HHIPL1: variants seen among roughly 807,000 people sequenced by gnomAD.
The protein encoded by HHIPL1 is HHIP-like protein 1.
A neutral mutation model predicts 61.8 loss-of-function variants in HHIPL1; 43 were observed. That is an observed-to-expected ratio of 0.70 (90% CI 0.55 to 0.90). HHIPL1 has a LOEUF of 0.90. Among genes scored for constraint, HHIPL1 ranks in the 40% least tolerant of loss-of-function variants. The probability of loss-of-function intolerance (pLI) is 0.00; values close to 1 mark genes in which losing one functional copy is unlikely to be tolerated. For missense variants in HHIPL1, 1,056 were observed against 1,157.7 expected (o/e 0.91, Z 1.28); for synonymous variants, 482 against 515.8 (o/e 0.93, Z 0.89).
the HHIPL1 span, among the ~76,000 whole-genome samples, chr14:99,634,450 G>A: frequency 6.2e-4 from 94 of 152,280 alleles, no homozygotes; most frequent in African/African-American, 2.1e-3. Context: ...CTTTGGCTGC[G>A]GGACTTCTCA....
intron 5 of HHIPL1, 62 bp from the exon 6 acceptor site, chr14:99,662,814 G>C (rs1485441862): frequency 1.4e-6 from 2 of 1,449,638 alleles, no homozygotes; most frequent in African/African-American, 2.8e-5. Flanking sequence ...TGGATGGATT[G>C]GTGGGTAGGT....
Position 99,645,361 on chromosome 14 carries a change from C to A in HHIPL1, c.154C>A (p.Arg52Ser). ...YSDFGCCDEG[R>S]DAELTRRFWA... ...GGACTTCGGCTGCTGCGATGAGGGG[C>A]GCGACGCCGAGCTGACCCGCCGCTT... Residue 52 changes from arginine to serine, a missense_variant, in exon 1 of 9, where the codon CGC becomes AGC. Physicochemically the swap from Arg to Ser is moderately radical, Grantham distance 110. Transcript: ENST00000330710. 1.4e-6 allele frequency: 2 copies of A among 1,446,150 alleles called. No homozygotes were observed. The highest frequency in any genetic ancestry group is 1.8e-6 in the Non-Finnish European group (2 of 1,103,434). 89.6% of individuals were successfully genotyped at this position (1,446,150 alleles called of 1,614,324 possible).
the HHIPL1 span, among the ~76,000 whole-genome samples, chr14:99,611,994 G>T: frequency 0.085 from 13,002 of 152,214 alleles, 716 homozygotes; most frequent in Non-Finnish European, 0.11. Context: ...GGTGGGCAAA[G>T]ATGCTTGTAC....
the HHIPL1 span, among the ~76,000 whole-genome samples, chr14:99,630,383 A>G: frequency 6.6e-6 from 1 of 152,306 alleles, no homozygotes; most frequent in Non-Finnish European, 1.5e-5. Context: ...CTTTACAGAA[A>G]GGCCTTGGCC....
At chr14:99,673,084 C>G (rs1012191972) in intron 8 of HHIPL1, among the ~76,000 whole-genome samples, 7 of 152,178 alleles carry the variant, frequency 4.6e-5, no homozygotes, top group Admixed American at 3.9e-4. Flanking sequence ...ATTTTAAAAA[C>G]CACTCCGCGA....
At chr14:99,651,304 T>C (rs151063004) in intron 1 of HHIPL1, among the ~76,000 whole-genome samples, 34 of 150,092 alleles carry the variant, frequency 2.3e-4, no homozygotes, top group African/African-American at 7.8e-4. Context: ...AACTGGGTAA[T>C]TTATAAAGAA....
At chr14:99,661,445 G>GGAAGGAAGGAAGGAAC (rs1169928330) in intron 5 of HHIPL1, among the ~76,000 whole-genome samples, 1 of 151,664 alleles carries the variant, frequency 6.6e-6, no homozygotes, top group East Asian at 1.9e-4. Flanking sequence ...AAGGAAGGAA[G>GGAAGGAAGGAAGGAAC]GAAGGAGTAC....
rs200943006 is a variant in HHIPL1 at position 99,662,935 on chromosome 14, G to T, written c.1562G>T (p.Cys521Phe). The T allele has an allele frequency of 6.8e-6, 11 of 1,613,832 alleles. No individual in the cohort carries two copies. Among genetic ancestry groups the T allele is most frequent in the Non-Finnish European group, 7.6e-6 (9 of 1,179,876 alleles). The change falls in exon 6 of 9, where the codon TGC becomes TTC. Residue 521 changes from cysteine to phenylalanine, a missense_variant. By Grantham distance (205) the Cys-to-Phe change is radical. Transcript: ENST00000330710. ...GTGQWQYSEI[C>F]MGHGQTCEFP... is the part of the protein sequence containing the mutation. ...GGCCAGTGGCAGTACAGTGAGATCT[G>T]CATGGGCCACGGCCAGACCTGTGAG...
At chr14:99,635,909 C>T in the HHIPL1 span, among the ~76,000 whole-genome samples, 5 of 152,226 alleles carry the variant, frequency 3.3e-5, no homozygotes, top group South Asian at 6.2e-4. Flanking sequence ...AAGGCTGAAA[C>T]GTGGAGCAGG....
chr14:99,678,877 C>T lies in HHIPL1; in HGVS notation c.*3251C>T, dbSNP rs1035110592. Reference sequence around the variant, plus strand: ...TCGTCTTTAAAAGAAACCATTATTTCTAACACTTACGATTTATTCTTTAAC... The same window carrying T: ...TCGTCTTTAAAAGAAACCATTATTTTTAACACTTACGATTTATTCTTTAAC... On this transcript the variant is annotated 3_prime_UTR_variant, in exon 9 of 9. Coordinates refer to ENST00000330710, the MANE Select transcript of HHIPL1 (RefSeq NM_001127258.3). The T allele has an allele frequency of 6.6e-6, 1 of 152,222 alleles. No individual in the cohort carries two copies. Among genetic ancestry groups the T allele is most frequent in the African/African-American group, 2.4e-5 (1 of 41,458 alleles). 9.4% of individuals were successfully genotyped at this position (152,222 alleles called of 1,614,324 possible).
At chr14:99,635,137 G>A in the HHIPL1 span, among the ~76,000 whole-genome samples, 2 of 152,052 alleles carry the variant, frequency 1.3e-5, no homozygotes, top group African/African-American at 4.8e-5. Context: ...GTAGAGTTGG[G>A]GTCTGCAGGG....
chr14:99,631,271 A>T, the HHIPL1 span, among the ~76,000 whole-genome samples: 10 of 151,312 alleles, frequency 6.6e-5, no homozygotes, highest in Non-Finnish European at 1.0e-4. Context: ...TAAGTTTTGT[A>T]TTTTTGCCAG....
In HHIPL1 at chr14:99,675,035, C is replaced by T; in HGVS notation, c.1814-56C>T. On this transcript the variant is annotated intron_variant, in intron 8 of 8. Transcript: ENST00000330710. This position sits in a 1 kb window ranked among gnomAD's most constrained non-coding sequence, Gnocchi z 5.4. Reference sequence around the variant, plus strand: ...TTGCAGGGCAGCACAGGGTGGGCAGCAGGGCTGGACAGGGGCGCCTGGGTC... The same window carrying T: ...TTGCAGGGCAGCACAGGGTGGGCAGTAGGGCTGGACAGGGGCGCCTGGGTC... The T allele has an allele frequency of 2.0e-6, 2 of 981,388 alleles. No individual in the cohort carries two copies. The highest frequency in any genetic ancestry group is 2.5e-6 in the Non-Finnish European group (2 of 792,146). The allele number at this position is 981,388 out of a possible 1,614,324, so 60.8% of individuals were successfully genotyped here.
At position 99,680,389 on chromosome 14, in the gene HHIPL1, G is replaced by C. The variant is rs1348672328; in HGVS notation, c.*4763G>C. 6.6e-6 allele frequency: 1 copy of C among 152,180 alleles called. No homozygotes were observed. Among genetic ancestry groups the C allele is most frequent in the East Asian group, 1.9e-4 (1 of 5,202 alleles). 9.4% of individuals were successfully genotyped at this position (152,180 alleles called of 1,614,324 possible). On this transcript the variant is annotated 3_prime_UTR_variant, in exon 9 of 9. Coordinates refer to ENST00000330710, the MANE Select transcript of HHIPL1 (RefSeq NM_001127258.3). ...CTGGGTCCTGTCTCTCAGAGTTTTT[G>C]ACTCAGTCTTGGTTGAGAATTTTCA...
At chr14:99,656,820 AAAG>A (rs2056040880) in intron 2 of HHIPL1, among the ~76,000 whole-genome samples, 177 bp from the exon 3 acceptor site, 2 of 6,312 alleles carry the variant, frequency 3.2e-4, no homozygotes, top group Non-Finnish European at 5.6e-4. Context: ...AGAAAGAAAG[AAAG>A]AAAGAAAGAA....
the HHIPL1 span, among the ~76,000 whole-genome samples, chr14:99,605,610 C>T: frequency 6.6e-6 from 1 of 152,226 alleles, no homozygotes; most frequent in Non-Finnish European, 1.5e-5. Context: ...GGGGACTTGG[C>T]GTCCTGGGAG....
intron 5 of HHIPL1, among the ~76,000 whole-genome samples, chr14:99,661,570 C>G (rs1002452610): frequency 3.9e-5 from 6 of 152,068 alleles, no homozygotes; most frequent in Non-Finnish European, 7.4e-5. Context: ...CAGGCTCAAG[C>G]AATCCTCCCA....
chr14:99,646,792 A>AATATGATATGATATG (rs66953128), intron 1 of HHIPL1, among the ~76,000 whole-genome samples: 8 of 130,928 alleles, frequency 6.1e-5, no homozygotes, highest in East Asian at 2.3e-4. Flanking sequence ...AATATAATAT[A>AATATGATATGATATG]ATATGATATG....
Position 99,680,560 on chromosome 14 carries a change from G to A in HHIPL1, c.*4934G>A, listed in dbSNP as rs1041207284. On this transcript the variant is annotated 3_prime_UTR_variant, in exon 9 of 9. Coordinates refer to ENST00000330710, the MANE Select transcript of HHIPL1 (RefSeq NM_001127258.3). ...TAGCCATGTTAAAAAAGTAAAACAG[G>A]TAAAATTAATTTTAATAATATATTT... is the stretch of plus-strand genomic sequence containing the variant. 2.9e-5 allele frequency: 4 copies of A among 136,282 alleles called. No individual in the cohort carries two copies. Among genetic ancestry groups the A allele is most frequent in the Non-Finnish European group, 6.6e-5 (4 of 60,724 alleles). The allele number at this position is 136,282 out of a possible 1,614,324, so 8.4% of individuals were successfully genotyped here.
Sources: gnomAD v4.1 joint callset for allele counts (sites outside exome capture counted in the v4.1 genomes callset) on GRCh38, gnomAD v4.1.1 for gene constraint, Gnocchi (gnomAD v3.1) non-coding constraint, MANE v1.5 for transcripts, NCBI Gene and HGNC (gene_info 2026-07-23, HGNC 2026-07-21) for gene names.